DTHD1: variants seen among roughly 807,000 people sequenced by gnomAD.
DTHD1 encodes death domain containing 1, also known as death domain-containing protein 1.
A neutral mutation model predicts 74.8 loss-of-function variants in DTHD1; 59 were observed. The observed-to-expected ratio is 0.79, with a 90% CI of 0.64 to 0.98. DTHD1 has a LOEUF of 0.98. Among genes scored for constraint, DTHD1 ranks in the 50% least tolerant of loss-of-function variants. The probability of loss-of-function intolerance (pLI) is 0.00; values close to 1 mark genes in which losing one functional copy is unlikely to be tolerated. For synonymous variants in DTHD1, 365 were observed against 371.1 expected, an observed-to-expected ratio of 0.98 and a Z score of 0.19; for missense variants, 1,051 against 1,065.4, an observed-to-expected ratio of 0.99 and a Z score of 0.19.
chr4:36,302,385 G>A (rs1381957332), intron 5 of DTHD1, among the ~76,000 whole-genome samples: 2 of 152,108 alleles, frequency 1.3e-5, no homozygotes, highest in African/African-American at 2.4e-5. Context: ...AAGGGTAGAT[G>A]GACCTACAGT....
At chr4:36,294,761 T>C (rs1462218113) in intron 4 of DTHD1, 34 bp from the exon 5 acceptor site, 2 of 1,485,946 alleles carry the variant, frequency 1.3e-6, no homozygotes, top group East Asian at 2.5e-5. Flanking sequence ...ATCTTTTCTA[T>C]TAAAACATAA....
At position 36,344,002 on chromosome 4, in the gene DTHD1, T is replaced by G; in HGVS notation, c.*178T>G. ...CGGATCAGATAATAGAAAGCATTCCTGGGTGTGAGCGCTCCTCTCTGGTTG... is the reference window on the plus strand; with the variant it reads ...CGGATCAGATAATAGAAAGCATTCCGGGGTGTGAGCGCTCCTCTCTGGTTG... On this transcript the variant is annotated 3_prime_UTR_variant, in exon 10 of 10. Coordinates refer to ENST00000639862, the MANE Select transcript of DTHD1 (RefSeq NM_001170700.3). 1.5e-6 allele frequency: 1 copy of G among 651,376 alleles called. No homozygotes were observed. Among genetic ancestry groups the G allele is most frequent in the South Asian group, 2.1e-5 (1 of 47,600 alleles). 40.3% of individuals were successfully genotyped at this position (651,376 alleles called of 1,614,324 possible). A position where few individuals can be genotyped will look rare whatever the true frequency, so the allele number is the denominator to read the frequency against.
At chr4:36,342,644 T>C (rs1759380078) in intron 9 of DTHD1, among the ~76,000 whole-genome samples, 2 of 151,978 alleles carry the variant, frequency 1.3e-5, no homozygotes, top group African/African-American at 4.8e-5. Flanking sequence ...TCATGTCGTG[T>C]GTATGTCTGC....
intron 5 of DTHD1, among the ~76,000 whole-genome samples, chr4:36,305,730 G>A (rs1409299596): frequency 1.3e-5 from 2 of 152,188 alleles, no homozygotes; most frequent in African/African-American, 4.8e-5. Flanking sequence ...GCTCCTGGGT[G>A]TGTGCTCTTC....
chr4:36,303,104 A>G (rs1467828288), intron 5 of DTHD1, among the ~76,000 whole-genome samples: 2 of 152,246 alleles, frequency 1.3e-5, no homozygotes, highest in African/African-American at 4.8e-5. Flanking sequence ...GTCATTTTAA[A>G]ATAAACACAT....
intron 8 of DTHD1, among the ~76,000 whole-genome samples, chr4:36,330,766 A>G (rs1758616603): frequency 6.6e-6 from 1 of 152,108 alleles, no homozygotes; most frequent in South Asian, 2.1e-4. Flanking sequence ...GTACATCCTC[A>G]CTCAATACTT....
intron 2 of DTHD1, among the ~76,000 whole-genome samples, chr4:36,287,532 T>C (rs1338728104): frequency 6.6e-6 from 1 of 152,240 alleles, no homozygotes; most frequent in Non-Finnish European, 1.5e-5. Context: ...GAATGGTACT[T>C]CTACTTTTAG....
At chr4:36,342,606 T>C (rs1258842229) in intron 9 of DTHD1, among the ~76,000 whole-genome samples, 3 of 152,062 alleles carry the variant, frequency 2.0e-5, no homozygotes, top group African/African-American at 7.2e-5. Flanking sequence ...GTAAAGGATC[T>C]TCCACAGAAT....
intron 2 of DTHD1, 132 bp from the exon 3 acceptor site, chr4:36,290,241 A>C (rs1448122170): frequency 2.1e-6 from 2 of 932,556 alleles, no homozygotes; most frequent in African/African-American, 3.3e-5. Context: ...ATCTTGCCCA[A>C]GGTCACAGAG....
chr4:36,313,418 A>G (rs63448763), intron 7 of DTHD1, among the ~76,000 whole-genome samples: 1 of 1,528 alleles, frequency 6.5e-4, no homozygotes, highest in Admixed American at 0.021. Context: ...GTGAGGGAGG[A>G]AAAAAAAAAA....
intron 8 of DTHD1, among the ~76,000 whole-genome samples, chr4:36,337,475 G>A (rs77523550): frequency 0.042 from 6,392 of 152,266 alleles, 188 homozygotes; most frequent in South Asian, 0.13. Flanking sequence ...GTCTCAATAT[G>A]TATCTCTTGT....
Position 36,346,092 on chromosome 4 carries a change from C to T in DTHD1, c.*2268C>T, listed in dbSNP as rs1385771541. The stretch of plus-strand genomic sequence containing the variant: ...TCACAGAAACACACCTATTCACATA[C>T]ATAAATACATGTGCACACACACACA... On this transcript the variant is annotated 3_prime_UTR_variant, in exon 10 of 10. Coordinates refer to ENST00000639862, the MANE Select transcript of DTHD1 (RefSeq NM_001170700.3). Among the ~76,000 whole-genome samples the T allele has an allele frequency of 2.0e-5, 3 of 152,002 alleles. No homozygotes were observed. The highest frequency in any genetic ancestry group is 3.9e-4 in the East Asian group (2 of 5,178).
intron 8 of DTHD1, among the ~76,000 whole-genome samples, chr4:36,318,612 C>CTTTTTTTT (rs397992934): frequency 2.1e-4 from 24 of 111,804 alleles, no homozygotes; most frequent in African/African-American, 3.5e-4. Flanking sequence ...TTTTTCTTTT[C>CTTTTTTTT]TTTTTTTTTT....
At chr4:36,329,366 C>A (rs1578486029) in intron 8 of DTHD1, among the ~76,000 whole-genome samples, 1 of 152,146 alleles carries the variant, frequency 6.6e-6, no homozygotes, top group Non-Finnish European at 1.5e-5. Flanking sequence ...TTTGCCACTT[C>A]TGAATAGTTT....
chr4:36,321,273 TG>T (rs1758021990), intron 8 of DTHD1, among the ~76,000 whole-genome samples: 1 of 152,354 alleles, frequency 6.6e-6, no homozygotes, highest in East Asian at 1.9e-4. Flanking sequence ...TAGCAGTTCG[TG>T]GTCTGTTAGG....
At chr4:36,304,897 G>T (rs1299796001) in intron 5 of DTHD1, among the ~76,000 whole-genome samples, 6 of 151,898 alleles carry the variant, frequency 4.0e-5, no homozygotes, top group African/African-American at 9.7e-5. Context: ...ATTGACCAAG[G>T]TACCACAGAA....
In DTHD1 at chr4:36,343,639, G is replaced by T; in HGVS notation, c.2536G>T (p.Glu846Ter). Residue 846 changes from glutamate to a stop codon, truncating the protein, a stop_gained, in exon 10 of 10, where the codon GAA becomes TAA. Coordinates refer to ENST00000639862, the MANE Select transcript of DTHD1 (RefSeq NM_001170700.3). LOFTEE classifies it high-confidence loss of function. ...ACTCAAGAACCCTGATGATCTCACA[G>T]AACAGATCCACGAGTTTCTTTGCTT... is the stretch of plus-strand genomic sequence containing the variant. ...IKLKNPDDLT[E>*]QIHEFLCFWK... The T allele has an allele frequency of 6.4e-7, 1 of 1,551,920 alleles. No individual in the cohort carries two copies. Among genetic ancestry groups the T allele is most frequent in the Non-Finnish European group, 8.7e-7 (1 of 1,146,982 alleles).
intron 8 of DTHD1, among the ~76,000 whole-genome samples, chr4:36,335,063 A>C (rs1758930962): frequency 6.6e-6 from 1 of 152,226 alleles, no homozygotes; most frequent in Non-Finnish European, 1.5e-5. Flanking sequence ...TATAATATTA[A>C]GTTGTTAGAT....
intron 8 of DTHD1, among the ~76,000 whole-genome samples, chr4:36,336,647 T>TGG (rs1287147266): frequency 6.6e-6 from 1 of 152,174 alleles, no homozygotes; most frequent in Non-Finnish European, 1.5e-5. Context: ...TAGGGAGGAT[T>TGG]TCACAGCTTG....
Sources: allele counts gnomAD v4.1 joint callset (sites outside exome capture counted in the v4.1 genomes callset), GRCh38; gene constraint gnomAD v4.1.1; transcripts MANE v1.5; gene names NCBI Gene and HGNC (gene_info 2026-07-23, HGNC 2026-07-21).